Variants in CCDC192 observed in about 807,000 individuals in gnomAD.
CCDC192 encodes coiled-coil domain-containing protein 192.
At chr5:127,882,032 C>A (rs1752375353) in intron 6 of CCDC192, among the ~76,000 whole-genome samples, 1 of 152,158 alleles carries the variant, frequency 6.6e-6, no homozygotes, top group African/African-American at 2.4e-5. Flanking sequence ...CCCCATTATC[C>A]CAATGAAAGT....
intron 2 of CCDC192, among the ~76,000 whole-genome samples, chr5:127,725,324 C>T (rs790832): frequency 0.33 from 49,588 of 152,022 alleles, 8,692 homozygotes; most frequent in Middle Eastern, 0.42. Context: ...GTCTATTTCA[C>T]TTACATGATT....
intron 6 of CCDC192, among the ~76,000 whole-genome samples, chr5:127,884,609 C>T (rs1301237584): frequency 6.6e-6 from 1 of 152,012 alleles, no homozygotes; most frequent in Non-Finnish European, 1.5e-5. Flanking sequence ...TCAATTACTG[C>T]GGCCAAGGCA....
In CCDC192 at chr5:127,786,720, A is replaced by G. The variant is rs546758748; in HGVS notation, c.223-10383A>G. 4.7e-5 allele frequency: 34 copies of G among 725,540 alleles called. No homozygotes were observed. In the East Asian group the frequency reaches 7.4e-4, roughly 16 times the overall value. The allele number at this position is 725,540 out of a possible 1,614,324, so 44.9% of individuals were successfully genotyped here. On this transcript the variant is annotated intron_variant, in intron 3 of 6. Transcript: ENST00000514853. ...GAATTTCAGTACACTCTTGTCCATC[A>G]AATCTTCTCCATGCTTAAGAAGACT...
chr5:127,851,316 C>T (rs776257578), intron 5 of CCDC192, among the ~76,000 whole-genome samples: 7 of 152,180 alleles, frequency 4.6e-5, no homozygotes, highest in Admixed American at 6.5e-5. Flanking sequence ...CCTACTTCTT[C>T]GAGACCAACA....
chr5:127,814,401 A>T (rs767503571), intron 5 of CCDC192, among the ~76,000 whole-genome samples: 5 of 152,178 alleles, frequency 3.3e-5, no homozygotes, highest in Non-Finnish European at 5.9e-5. Context: ...ACTTCCCCAG[A>T]GTGTGGAGCT....
At chr5:127,890,975 C>T (rs566230034) in intron 6 of CCDC192, among the ~76,000 whole-genome samples, 3 of 152,296 alleles carry the variant, frequency 2.0e-5, no homozygotes, top group African/African-American at 7.2e-5. Context: ...AGATTGCTTT[C>T]TCACTATTCT....
At chr5:127,871,031 G>C (rs910716722) in intron 5 of CCDC192, among the ~76,000 whole-genome samples, 1 of 152,234 alleles carries the variant, frequency 6.6e-6, no homozygotes, top group Non-Finnish European at 1.5e-5. Context: ...GGGATGGACA[G>C]AGTAAATTTC....
At chr5:127,751,206 G>C (rs1754143199) in intron 2 of CCDC192, among the ~76,000 whole-genome samples, 1 of 151,718 alleles carries the variant, frequency 6.6e-6, no homozygotes, top group Non-Finnish European at 1.5e-5. Context: ...TTTCTTCCTA[G>C]TCTCGATGGT....
chr5:127,845,852 G>T (rs1022936574), intron 5 of CCDC192, among the ~76,000 whole-genome samples: 1 of 152,140 alleles, frequency 6.6e-6, no homozygotes, highest in Non-Finnish European at 1.5e-5. Flanking sequence ...TATCATTCCT[G>T]TGTATCATAA....
chr5:127,763,995 C>T (rs948299208), intron 3 of CCDC192, among the ~76,000 whole-genome samples: 2 of 152,186 alleles, frequency 1.3e-5, no homozygotes, highest in African/African-American at 4.8e-5. Flanking sequence ...CTCCCACCTC[C>T]CGCCGATAAT....
intron 5 of CCDC192, among the ~76,000 whole-genome samples, chr5:127,808,795 G>C (rs1324348518): frequency 1.3e-5 from 2 of 152,114 alleles, no homozygotes; most frequent in African/African-American, 2.4e-5. Flanking sequence ...GAGTTCCCCA[G>C]GTTCTGGGAC....
intron 2 of CCDC192, among the ~76,000 whole-genome samples, chr5:127,749,147 A>C (rs570606768): frequency 4.6e-5 from 7 of 151,998 alleles, no homozygotes; most frequent in African/African-American, 1.7e-4. Context: ...TTCCAACACT[A>C]TGTTGAATAG....
intron 6 of CCDC192, among the ~76,000 whole-genome samples, chr5:127,904,542 G>A (rs1256409687): frequency 8.1e-6 from 1 of 124,124 alleles, no homozygotes; most frequent in African/African-American, 3.1e-5. Flanking sequence ...TCCCTCTGTT[G>A]CCCAGGCTGG....
At chr5:127,916,887 A>G (rs1004298076) in intron 6 of CCDC192, among the ~76,000 whole-genome samples, 1 of 152,216 alleles carries the variant, frequency 6.6e-6, no homozygotes, top group South Asian at 2.1e-4. Context: ...CAGTTGTATT[A>G]GCTCCTAACA....
chr5:127,890,309 C>T (rs1752696491), intron 6 of CCDC192, among the ~76,000 whole-genome samples: 1 of 151,924 alleles, frequency 6.6e-6, no homozygotes, highest in Non-Finnish European at 1.5e-5. Context: ...CCTGGGTGGT[C>T]GAGGCTACAG....
intron 2 of CCDC192, among the ~76,000 whole-genome samples, chr5:127,711,828 A>G (rs1751353311): frequency 6.6e-6 from 1 of 152,138 alleles, no homozygotes; most frequent in Non-Finnish European, 1.5e-5. Context: ...TTACCACTCT[A>G]ATAGGTAAGA....
chr5:127,811,325 C>T (rs1758070728), intron 5 of CCDC192, among the ~76,000 whole-genome samples: 1 of 152,156 alleles, frequency 6.6e-6, no homozygotes. Context: ...TGCTCAAACT[C>T]TACCACAAAA....
chr5:127,935,078 G>A (rs1754150812), intron 6 of CCDC192, among the ~76,000 whole-genome samples: 3 of 152,176 alleles, frequency 2.0e-5, no homozygotes, highest in Admixed American at 6.5e-5. Context: ...AGCTTGAAAG[G>A]CAGAGGGAAA....
At chr5:127,804,552 T>C (rs938429766) in intron 5 of CCDC192, among the ~76,000 whole-genome samples, 4 of 152,192 alleles carry the variant, frequency 2.6e-5, no homozygotes, top group Admixed American at 2.0e-4. Flanking sequence ...GTGTGTTTCC[T>C]ACTGATTTTA....
Sources: allele counts gnomAD v4.1 joint callset (sites outside exome capture counted in the v4.1 genomes callset), GRCh38; gene constraint gnomAD v4.1.1; transcripts MANE v1.5; gene names NCBI Gene and HGNC (gene_info 2026-07-23, HGNC 2026-07-21).